The following NCAM2 variants were observed in gnomAD, a reference collection of about 807,000 sequenced individuals.
NCAM2 encodes the protein neural cell adhesion molecule 2.
A neutral mutation model predicts 98.1 loss-of-function variants in NCAM2; 30 were observed. The ratio of observed to expected loss-of-function variants is 0.31; its 90% CI spans 0.23 to 0.41. The LOEUF is 0.41. Ranked by LOEUF, NCAM2 falls within the 10% of genes least tolerant of loss-of-function variation. The probability of loss-of-function intolerance (pLI) is 1.00; values close to 1 mark genes in which losing one functional copy is unlikely to be tolerated. For synonymous variants in NCAM2, 368 were observed against 342.4 expected, an observed-to-expected ratio of 1.07 and a Z score of -0.83; for missense variants, 867 against 1,005.8, an observed-to-expected ratio of 0.86 and a Z score of 1.87.
chr21:21,402,504 G>A (rs73324828), intron 9 of NCAM2, among the ~76,000 whole-genome samples: 10,401 of 152,102 alleles, frequency 0.068, 784 homozygotes, highest in African/African-American at 0.18. Flanking sequence ...AAGACAATAC[G>A]TGCAATGCTG....
rs925431837 is a variant in NCAM2 at position 21,263,159 on chromosome 21, T to G, written c.56-17419T>G. On this transcript the variant is annotated intron_variant, in intron 1 of 17. Transcript: ENST00000400546. The stretch of plus-strand genomic sequence containing the variant: ...CCTGATCAATGACTTCAGTAAAGTT[T>G]CATGATACAAAATTAATGTGCAAAA... Among the ~76,000 whole-genome samples, 157 of 152,130 alleles carry G rather than the reference T, an allele frequency of 1.0e-3. 15 individuals carry two copies. The highest frequency in any genetic ancestry group is 2.9e-5 in the Non-Finnish European group (2 of 68,018).
chr21:21,331,082 G>A (rs1299357325), intron 6 of NCAM2, among the ~76,000 whole-genome samples: 2 of 151,776 alleles, frequency 1.3e-5, no homozygotes, highest in African/African-American at 2.4e-5. Flanking sequence ...GTTTTAATAG[G>A]CATCTACTCA....
chr21:21,064,563 T>C (rs2065393036), intron 1 of NCAM2, among the ~76,000 whole-genome samples: 1 of 152,200 alleles, frequency 6.6e-6, no homozygotes, highest in Non-Finnish European at 1.5e-5. Flanking sequence ...TTAGTCATTC[T>C]AGGAATTGCT....
chr21:21,534,511 T>G, intron 16 of NCAM2, 26 bp from the exon 17 acceptor site: 1 of 1,533,628 alleles, frequency 6.5e-7, no homozygotes, highest in Non-Finnish European at 8.8e-7. Flanking sequence ...ATTACACAGG[T>G]GAGATGTTTC....
intron 1 of NCAM2, among the ~76,000 whole-genome samples, chr21:21,218,742 A>C (rs1191523999): frequency 6.6e-6 from 1 of 152,212 alleles, no homozygotes; most frequent in African/African-American, 2.4e-5. Flanking sequence ...CCCTGCTGGC[A>C]CTTTAATTTT....
At chr21:21,084,278 A>C (rs376051832) in intron 1 of NCAM2, among the ~76,000 whole-genome samples, 1 of 152,168 alleles carries the variant, frequency 6.6e-6, no homozygotes, top group East Asian at 1.9e-4. Flanking sequence ...GGATTTCAAC[A>C]TGTGGATTTT....
chr21:21,266,427 T>A (rs913505941), intron 1 of NCAM2, among the ~76,000 whole-genome samples: 1 of 151,964 alleles, frequency 6.6e-6, no homozygotes, highest in African/African-American at 2.4e-5. Flanking sequence ...TATAAACAAA[T>A]AATTATGCGG....
chr21:21,050,635 A>G (rs2065089748), intron 1 of NCAM2, among the ~76,000 whole-genome samples: 1 of 152,158 alleles, frequency 6.6e-6, no homozygotes. Flanking sequence ...ATTCCCAACA[A>G]CACCTGTCAT....
Position 21,433,044 on chromosome 21 carries a change from G to T in NCAM2, c.1654+763G>T, listed in dbSNP as rs232401. Among the ~76,000 whole-genome samples the T allele has an allele frequency of 6.8e-3, 1,034 of 152,230 alleles. 14 individuals are homozygous for T. Among genetic ancestry groups the T allele is most frequent in the African/African-American group, 0.023 (952 of 41,530 alleles). ...TGTAGGGGTTCAGTAAAAAGCAAGA[G>T]CCTTCCTGAGAAAGAAAGAGGGAAC... On this transcript the variant is annotated intron_variant, in intron 12 of 17. Coordinates refer to ENST00000400546, the MANE Select transcript of NCAM2 (RefSeq NM_004540.5).
intron 1 of NCAM2, among the ~76,000 whole-genome samples, chr21:21,097,811 A>G (rs2066154124): frequency 6.6e-6 from 1 of 150,836 alleles, no homozygotes; most frequent in Admixed American, 6.7e-5. Flanking sequence ...GCTGGATAAA[A>G]ATTTTGAATT....
At chr21:21,110,773 G>A (rs2066438286) in intron 1 of NCAM2, among the ~76,000 whole-genome samples, 1 of 151,906 alleles carries the variant, frequency 6.6e-6, no homozygotes, top group Non-Finnish European at 1.5e-5. Context: ...AAGGATATGT[G>A]ACTGAATTGG....
chr21:21,056,770 T>A (rs1262885034), intron 1 of NCAM2, among the ~76,000 whole-genome samples: 8 of 152,016 alleles, frequency 5.3e-5, no homozygotes, highest in Non-Finnish European at 1.2e-4. Flanking sequence ...TTAAACATTT[T>A]AAAATTGCAA....
intron 1 of NCAM2, among the ~76,000 whole-genome samples, chr21:21,102,861 G>A (rs909709480): frequency 5.3e-5 from 8 of 151,796 alleles, no homozygotes; most frequent in Admixed American, 2.0e-4. Flanking sequence ...AAGGTGTTAA[G>A]GCAAAATGAA....
intron 17 of NCAM2, 63 bp downstream of exon 17, chr21:21,534,719 T>C: frequency 3.1e-6 from 4 of 1,284,232 alleles, no homozygotes; most frequent in South Asian, 2.3e-5. Context: ...AACACATTAT[T>C]ATTGTTGTAT....
intron 1 of NCAM2, among the ~76,000 whole-genome samples, chr21:21,116,856 A>C (rs1266602259): frequency 6.6e-6 from 1 of 152,142 alleles, no homozygotes; most frequent in East Asian, 1.9e-4. Flanking sequence ...CTCCGTCTCA[A>C]AAGAAAAAAA....
At chr21:21,260,727 G>C (rs2046874849) in intron 1 of NCAM2, among the ~76,000 whole-genome samples, 1 of 151,990 alleles carries the variant, frequency 6.6e-6, no homozygotes, top group African/African-American at 2.4e-5. Flanking sequence ...TTGAAATAAA[G>C]GTCAGTACTT....
intron 1 of NCAM2, among the ~76,000 whole-genome samples, chr21:21,122,889 A>G (rs1409775762): frequency 6.6e-6 from 1 of 152,146 alleles, no homozygotes; most frequent in South Asian, 2.1e-4. Flanking sequence ...CTGTGGTGCA[A>G]ACTATCTATT....
intron 1 of NCAM2, among the ~76,000 whole-genome samples, chr21:21,066,223 A>G (rs1212397633): frequency 6.6e-6 from 1 of 152,194 alleles, no homozygotes; most frequent in Non-Finnish European, 1.5e-5. Flanking sequence ...AAATGAATAG[A>G]TACTTGATTT....
chr21:21,489,821 G>GA (rs1986698097), intron 15 of NCAM2, among the ~76,000 whole-genome samples: 1 of 151,754 alleles, frequency 6.6e-6, no homozygotes, highest in Non-Finnish European at 1.5e-5. Context: ...CTTAACTAAA[G>GA]AAAAAAATTA....
Sources: gnomAD v4.1 joint callset for allele counts (sites outside exome capture counted in the v4.1 genomes callset) on GRCh38, gnomAD v4.1.1 for gene constraint, MANE v1.5 for transcripts, NCBI Gene and HGNC (gene_info 2026-07-23, HGNC 2026-07-21) for gene names.